SEC22A: variants seen among roughly 807,000 people sequenced by gnomAD.
SEC22A encodes the protein SEC22 homolog A, vesicle trafficking protein, also known as vesicle-trafficking protein SEC22a.
A neutral mutation model predicts 35.3 loss-of-function variants in SEC22A; 22 were observed. The ratio of observed to expected loss-of-function variants is 0.62; its 90% CI spans 0.45 to 0.89. The LOEUF (loss-of-function observed/expected upper bound fraction) is 0.89. Ranked by LOEUF, SEC22A falls within the 40% of genes least tolerant of loss-of-function variation. The pLI, the probability that SEC22A is intolerant of heterozygous loss-of-function variation, is 0.00. For missense variants in SEC22A, 354 were observed against 362.5 expected (o/e 0.98, Z 0.19); for synonymous variants, 119 against 129.5 (o/e 0.92, Z 0.55).
intron 4 of SEC22A, among the ~76,000 whole-genome samples, chr3:123,241,558 G>A (rs1937523110): frequency 6.6e-6 from 1 of 151,960 alleles, no homozygotes; most frequent in Non-Finnish European, 1.5e-5. Flanking sequence ...CATCTTCACT[G>A]AATTATTTCA....
intron 4 of SEC22A, among the ~76,000 whole-genome samples, chr3:123,239,772 G>C (rs1265003138): frequency 1.3e-5 from 2 of 152,022 alleles, no homozygotes; most frequent in South Asian, 4.2e-4. Flanking sequence ...CTCCCATTTT[G>C]TAGGTTGCCT....
chr3:123,254,036 C>A (rs940956668), intron 5 of SEC22A, among the ~76,000 whole-genome samples: 1 of 151,894 alleles, frequency 6.6e-6, no homozygotes, highest in Non-Finnish European at 1.5e-5. Context: ...AAAATTATCA[C>A]CAAATTTTCA....
intron 2 of SEC22A, among the ~76,000 whole-genome samples, chr3:123,221,279 T>A (rs1295893639): frequency 6.6e-6 from 1 of 151,714 alleles, no homozygotes; most frequent in Admixed American, 6.6e-5. Context: ...GAGACCACCC[T>A]GGTCAACATG....
chr3:123,239,370 T>C (rs1394042138), intron 4 of SEC22A, among the ~76,000 whole-genome samples: 1 of 152,182 alleles, frequency 6.6e-6, no homozygotes, highest in Non-Finnish European at 1.5e-5. Context: ...TATATATACA[T>C]GTGCTATGCT....
chr3:123,231,562 A>C lies in SEC22A; in HGVS notation c.541+6265A>C, dbSNP rs142443024. 4.8e-3 allele frequency among the ~76,000 whole-genome samples: 736 copies of C among 152,344 alleles called. 5 individuals carry two copies. Among genetic ancestry groups the C allele is most frequent in the African/African-American group, 0.017 (705 of 41,578 alleles). ...CAAATATGTGGAAGTTAGACAGTAC[A>C]TTCCTAAATAGTGAATGGGTCAGAG... On this transcript the variant is annotated intron_variant, in intron 4 of 6. Coordinates refer to ENST00000492595, the MANE Select transcript of SEC22A (RefSeq NM_012430.5).
chr3:123,266,561 G>A (rs560430739), intron 6 of SEC22A, among the ~76,000 whole-genome samples: 11 of 151,904 alleles, frequency 7.2e-5, no homozygotes, highest in East Asian at 5.8e-4. Flanking sequence ...GAATTGCATC[G>A]TTTCACTTCT....
chr3:123,267,428 T>G (rs1015245842), intron 6 of SEC22A, among the ~76,000 whole-genome samples: 6 of 152,178 alleles, frequency 3.9e-5, no homozygotes, highest in Admixed American at 2.0e-4. Context: ...CATACTTAAC[T>G]CTTCATGGTC....
At chr3:123,257,011 G>A (rs1160967492) in intron 5 of SEC22A, among the ~76,000 whole-genome samples, 3 of 151,874 alleles carry the variant, frequency 2.0e-5, no homozygotes, top group Admixed American at 2.0e-4. Flanking sequence ...TGCCCACCTC[G>A]GCCTCCCAAA....
chr3:123,228,945 T>C (rs1187646827), intron 4 of SEC22A, among the ~76,000 whole-genome samples: 1 of 152,010 alleles, frequency 6.6e-6, no homozygotes, highest in East Asian at 1.9e-4. Context: ...TGATAGAGAT[T>C]ATCTAATCTG....
In SEC22A at chr3:123,225,110, C is replaced by T; in HGVS notation, c.354C>T (p.Phe118=). Residue 118 remains phenylalanine, a synonymous_variant, in exon 4 of 7, where the codon TTC becomes TTT. Coordinates refer to ENST00000492595, the MANE Select transcript of SEC22A (RefSeq NM_012430.5). ...RPYCFIEFDN[F]IQRTKQRYNN... ...ATTTTTTATTTTACATAGATAACTT[C>T]ATTCAGAGGACCAAGCAGCGATATA... 6.3e-7 allele frequency: 1 copy of T among 1,593,466 alleles called. No individual in the cohort carries two copies. The highest frequency in any genetic ancestry group is 8.6e-7 in the Non-Finnish European group (1 of 1,166,988).
chr3:123,260,177 A>C (rs185303305), intron 6 of SEC22A, among the ~76,000 whole-genome samples: 1 of 131,894 alleles, frequency 7.6e-6, no homozygotes, highest in African/African-American at 2.9e-5. Context: ...AAACTACTAG[A>C]TTTTCTGGTG....
chr3:123,225,397 G>A (rs1937203262), intron 4 of SEC22A, 100 bp downstream of exon 4: 2 of 659,278 alleles, frequency 3.0e-6, no homozygotes, highest in South Asian at 6.4e-5. Context: ...TTTAAATCAA[G>A]TACATGAGAG....
intron 5 of SEC22A, among the ~76,000 whole-genome samples, chr3:123,249,539 A>G (rs901635613): frequency 2.0e-5 from 3 of 151,912 alleles, no homozygotes; most frequent in Non-Finnish European, 4.4e-5. Flanking sequence ...GTATATATGT[A>G]TTTGAGATGG....
rs1422081407 is a variant in SEC22A at position 123,271,772 on chromosome 3, C to T, written c.*50C>T. On this transcript the variant is annotated 3_prime_UTR_variant, in exon 7 of 7. Transcript: ENST00000492595. ...TGGCTTCAGGGGGATAAGGAGGGAA[C>T]ATATCATAACTGCACTGTGATGAAG... The T allele has an allele frequency of 1.4e-6, 2 of 1,421,436 alleles. No homozygotes were observed. The highest frequency in any genetic ancestry group is 2.8e-5 in the African/African-American group (2 of 71,140). 88.1% of individuals were successfully genotyped at this position (1,421,436 alleles called of 1,614,324 possible).
At position 123,265,396 on chromosome 3, in the gene SEC22A, T is replaced by TA. The variant is rs1938003583; in HGVS notation, c.723+5807_723+5808insA. Among the ~76,000 whole-genome samples, 9 of 151,386 alleles carry TA rather than the reference T, an allele frequency of 5.9e-5. No individual in the cohort carries two copies. The South Asian group carries it at 1.5e-3, about 25-fold the overall frequency. On this transcript the variant is annotated intron_variant, in intron 6 of 6. Coordinates refer to ENST00000492595, the MANE Select transcript of SEC22A (RefSeq NM_012430.5). ...ATCCTTTCCCAGTCTATGTTTTTTT[T>TA]TAAAAAAAAATGGTTTCAGATCAGT... is the stretch of plus-strand genomic sequence containing the variant.
rs144994788 is a variant in SEC22A at position 123,219,476 on chromosome 3, C to T, written c.183-4083C>T. Among the ~76,000 whole-genome samples the T allele has an allele frequency of 5.3e-5, 8 of 152,296 alleles. 1 individual carries two copies. Among genetic ancestry groups the T allele is most frequent in the African/African-American group, 1.9e-4 (8 of 41,564 alleles). On this transcript the variant is annotated intron_variant, in intron 2 of 6. Coordinates refer to ENST00000492595, the MANE Select transcript of SEC22A (RefSeq NM_012430.5). ...GAAAGAATGTGGGCCTTGGAATCAACTAACTTCATCCTATCTTTGCTTCTT... is the reference window on the plus strand; with the variant it reads ...GAAAGAATGTGGGCCTTGGAATCAATTAACTTCATCCTATCTTTGCTTCTT...
intron 6 of SEC22A, among the ~76,000 whole-genome samples, chr3:123,260,388 A>G (rs1937863628): frequency 6.6e-6 from 1 of 152,182 alleles, no homozygotes; most frequent in African/African-American, 2.4e-5. Flanking sequence ...GTAGAAGGTA[A>G]TGAAAGCCAA....
intron 5 of SEC22A, among the ~76,000 whole-genome samples, chr3:123,252,251 A>G (rs1937623537): frequency 6.6e-6 from 1 of 152,026 alleles, no homozygotes; most frequent in Non-Finnish European, 1.5e-5. Flanking sequence ...TGATCATTAC[A>G]TTTTACATTA....
chr3:123,260,169 A>AAAAAAAAAAAAAAAAAAAC (rs1559763879), intron 6 of SEC22A, among the ~76,000 whole-genome samples: 2 of 114,756 alleles, frequency 1.7e-5, no homozygotes, highest in African/African-American at 7.0e-5. Context: ...AAAAAAAAAA[A>AAAAAAAAAAAAAAAAAAAC]CTACTAGATT....
Sources: gnomAD v4.1 joint callset for allele counts (sites outside exome capture counted in the v4.1 genomes callset) on GRCh38, gnomAD v4.1.1 for gene constraint, MANE v1.5 for transcripts, NCBI Gene and HGNC (gene_info 2026-07-23, HGNC 2026-07-21) for gene names.